PRKACB: variants seen among roughly 807,000 people sequenced by gnomAD.
The protein encoded by PRKACB is cAMP-dependent protein kinase catalytic subunit beta.
PRKACB carries 16 observed loss-of-function variants against 51.4 expected under a neutral mutation model. The observed-to-expected ratio is 0.31, with a 90% CI of 0.21 to 0.47. The LOEUF is 0.47. PRKACB is among the 20% of genes least tolerant of loss of function. The probability of loss-of-function intolerance (pLI) is 1.00; values close to 1 mark genes in which losing one functional copy is unlikely to be tolerated. For synonymous variants in PRKACB, 147 were observed against 154.4 expected (o/e 0.95, Z 0.35); for missense variants, 309 against 464.5 (o/e 0.67, Z 3.08).
At chr1:84,135,121 C>T (rs1009209612) in intron 1 of PRKACB, among the ~76,000 whole-genome samples, 1 of 152,078 alleles carries the variant, frequency 6.6e-6, no homozygotes, top group African/African-American at 2.4e-5. Context: ...GCTGAAGTAG[C>T]TGTATACATT....
At chr1:84,119,317 A>C (rs1283213484) in intron 1 of PRKACB, among the ~76,000 whole-genome samples, 1 of 152,146 alleles carries the variant, frequency 6.6e-6, no homozygotes, top group East Asian at 1.9e-4. Flanking sequence ...AAGAACAAGG[A>C]GTCCAGGAAA....
In PRKACB at chr1:84,112,030, T is replaced by C. The variant is rs184410801; in HGVS notation, c.46+33659T>C. Among the ~76,000 whole-genome samples the C allele has an allele frequency of 1.9e-3, 282 of 152,258 alleles. 2 individuals are homozygous for C. The highest frequency in any genetic ancestry group is 3.4e-3 in the Middle Eastern group (1 of 294). On this transcript the variant is annotated intron_variant, in intron 1 of 8. Transcript: ENST00000370688. ...TGTACTTCACCTTCAGGCCAGAGTT[T>C]ACTTATTATATTAATAAGAAACCAA...
At chr1:84,110,859 C>T (rs1650175657) in intron 1 of PRKACB, among the ~76,000 whole-genome samples, 1 of 151,978 alleles carries the variant, frequency 6.6e-6, no homozygotes, top group African/African-American at 2.4e-5. Flanking sequence ...GAAAATGATG[C>T]ACCTCTTTAG....
At chr1:84,112,225 C>CTTTTTTTT (rs905575496) in intron 1 of PRKACB, among the ~76,000 whole-genome samples, 27 of 120,014 alleles carry the variant, frequency 2.2e-4, no homozygotes, top group African/African-American at 2.2e-4. Flanking sequence ...TGGACTGCTT[C>CTTTTTTTT]TTTTTTTTTT....
chr1:84,142,118 G>A (rs1653473824), upstream of PRKACB, among the ~76,000 whole-genome samples: 1 of 152,062 alleles, frequency 6.6e-6, no homozygotes. Context: ...TGTTAAAAAT[G>A]AGTGAATACT....
intron 8 of PRKACB, among the ~76,000 whole-genome samples, chr1:84,213,294 C>A (rs1249683665): frequency 6.6e-6 from 1 of 152,126 alleles, no homozygotes; most frequent in African/African-American, 2.4e-5. Context: ...TGCAGCTATT[C>A]CTTCATCCTT....
At chr1:84,233,044 A>G (rs11163919) in intron 9 of PRKACB, among the ~76,000 whole-genome samples, 18,129 of 149,458 alleles carry the variant, frequency 0.12, 1,787 homozygotes, top group East Asian at 0.31. Flanking sequence ...TTTTGCAGCA[A>G]CTGGTACCGG....
intron 1 of PRKACB, among the ~76,000 whole-genome samples, chr1:84,096,838 G>A (rs919884889): frequency 2.0e-5 from 3 of 151,736 alleles, no homozygotes; most frequent in Non-Finnish European, 2.9e-5. Context: ...TCATATAATC[G>A]TGACTAGATC....
intron 9 of PRKACB, among the ~76,000 whole-genome samples, chr1:84,233,820 T>A (rs1676182543): frequency 8.0e-6 from 1 of 124,932 alleles, no homozygotes; most frequent in Admixed American, 8.3e-5. Flanking sequence ...TTCTTCTAAA[T>A]TTTTTTCAAA....
Position 84,078,519 on chromosome 1 carries a change from T to C in PRKACB, c.46+148T>C, listed in dbSNP as rs529853135. 4.5e-6 allele frequency: 4 copies of C among 887,786 alleles called. No homozygotes were observed. In the Admixed American group the frequency reaches 1.1e-4, roughly 25 times the overall value. The allele number at this position is 887,786 out of a possible 1,614,324, so 55.0% of individuals were successfully genotyped here. A position where few individuals can be genotyped will look rare whatever the true frequency, so the allele number is the denominator to read the frequency against. ...CGTTCTGGGGGGCCGGGAGACCAGC[T>C]GCCTTTCTCCTCCATTCCGACCCCC... On this transcript the variant is annotated intron_variant, in intron 1 of 8. Coordinates refer to the PRKACB transcript ENST00000370688.
At chr1:84,106,711 A>G (rs192998254) in intron 1 of PRKACB, among the ~76,000 whole-genome samples, 1 of 152,308 alleles carries the variant, frequency 6.6e-6, no homozygotes, top group Non-Finnish European at 1.5e-5. Flanking sequence ...TGCTATTTCT[A>G]TCAAACTACC....
chr1:84,161,515 T>C (rs533181014), intron 1 of PRKACB, among the ~76,000 whole-genome samples: 1 of 152,010 alleles, frequency 6.6e-6, no homozygotes, highest in Non-Finnish European at 1.5e-5. Context: ...TTCTGTCTCA[T>C]AGTTTTTGTT....
Position 84,078,420 on chromosome 1 carries a change from G to T in PRKACB, c.46+49G>T, listed in dbSNP as rs544244951. The T allele has an allele frequency of 1.9e-5, 30 of 1,593,308 alleles. No homozygotes were observed. The South Asian group carries it at 2.8e-4, about 15-fold the overall frequency. On this transcript the variant is annotated intron_variant, in intron 1 of 8. Transcript: ENST00000370688. ...TATCCGCTGGGCGGGCCGGCGCGGG[G>T]CACCGAGCGCCCTCCGGGTCGCAGC...
intron 2 of PRKACB, among the ~76,000 whole-genome samples, chr1:84,181,236 G>A (rs1325654702): frequency 6.6e-6 from 1 of 151,864 alleles, no homozygotes; most frequent in South Asian, 2.1e-4. Context: ...TTCCTCACTG[G>A]ACAAAGAATC....
At chr1:84,199,632 T>A (rs1433675263) in intron 7 of PRKACB, among the ~76,000 whole-genome samples, 1 of 152,310 alleles carries the variant, frequency 6.6e-6, no homozygotes, top group East Asian at 1.9e-4. Flanking sequence ...TGTGTCTTTA[T>A]GATGAAATGA....
chr1:84,184,442 C>G (rs577053025), intron 4 of PRKACB, among the ~76,000 whole-genome samples: 28 of 152,002 alleles, frequency 1.8e-4, no homozygotes, highest in Non-Finnish European at 4.0e-4. Context: ...AATTCATACA[C>G]CCAACACATT....
chr1:84,221,996 A>G (rs1363270835), intron 9 of PRKACB, among the ~76,000 whole-genome samples: 1 of 152,126 alleles, frequency 6.6e-6, no homozygotes, highest in African/African-American at 2.4e-5. Context: ...CTCTCTCTCA[A>G]TAATCTGTAC....
chr1:84,228,037 A>G (rs1477546171), intron 9 of PRKACB, among the ~76,000 whole-genome samples: 2 of 152,190 alleles, frequency 1.3e-5, no homozygotes, highest in Non-Finnish European at 2.9e-5. Context: ...ACGTGAAGCA[A>G]CTGTCTGCTT....
chr1:84,107,639 A>G (rs1381910854), intron 1 of PRKACB, among the ~76,000 whole-genome samples: 1 of 152,186 alleles, frequency 6.6e-6, no homozygotes, highest in Non-Finnish European at 1.5e-5. Flanking sequence ...ACAAATGTAC[A>G]AACAAAAAGC....
Sources: gnomAD v4.1 joint callset for allele counts (sites outside exome capture counted in the v4.1 genomes callset) on GRCh38, gnomAD v4.1.1 for gene constraint, MANE v1.5 for transcripts, NCBI Gene and HGNC (gene_info 2026-07-23, HGNC 2026-07-21) for gene names.